Variants in FLNB observed in about 807,000 individuals in gnomAD.
The protein encoded by FLNB is filamin B.
A neutral mutation model predicts 250.6 loss-of-function variants in FLNB; 111 were observed. The observed-to-expected ratio is 0.44, with a 90% CI of 0.38 to 0.52. FLNB has a LOEUF of 0.52. FLNB is among the 20% of genes least tolerant of loss of function. The probability of loss-of-function intolerance (pLI) is 0.00; values close to 1 mark genes in which losing one functional copy is unlikely to be tolerated. For synonymous variants in FLNB, 1,302 were observed against 1,372.1 expected, an observed-to-expected ratio of 0.95 and a Z score of 1.13; for missense variants, 2,869 against 3,447.8, an observed-to-expected ratio of 0.83 and a Z score of 4.20.
intron 15 of FLNB, 24 bp from the exon 16 acceptor site, chr3:58,109,986 T>TA (rs1399098623): frequency 6.2e-7 from 1 of 1,613,940 alleles, no homozygotes; most frequent in Non-Finnish European, 8.5e-7. Flanking sequence ...TGTAAGCTGG[T>TA]GCTAATAAGC....
intron 23 of FLNB, 113 bp downstream of exon 23, chr3:58,125,856 T>G: frequency 9.6e-7 from 1 of 1,043,012 alleles, no homozygotes; most frequent in South Asian, 1.4e-5. Flanking sequence ...TTATAACATG[T>G]ATTTCCTTCT....
intron 1 of FLNB, among the ~76,000 whole-genome samples, chr3:58,073,562 T>C: frequency 6.7e-6 from 1 of 149,740 alleles, no homozygotes; most frequent in Admixed American, 6.7e-5. Flanking sequence ...TGTTGCTGTC[T>C]TGAAGTTCTT....
rs760753245 is a variant in FLNB, at chr3:58,149,897, A to G, written c.6139A>G (p.Ile2047Val). 6.2e-7 allele frequency: 1 copy of G among 1,614,250 alleles called. No homozygotes were observed. Among genetic ancestry groups the G allele is most frequent in the South Asian group, 1.1e-5 (1 of 91,086 alleles). Residue 2047 changes from isoleucine to valine, a missense_variant, in exon 37 of 46, where the codon ATC becomes GTC. Transcript: ENST00000295956. The stretch of plus-strand genomic sequence containing the variant: ...GGTGGAAGGCCCCAGCAAAGTGGAC[A>G]TCCAGACGGAGGACCTGGAAGATGG... ...LAVEGPSKVD[I>V]QTEDLEDGTC... is the part of the protein sequence containing the mutation.
intron 1 of FLNB, among the ~76,000 whole-genome samples, chr3:58,071,732 G>C (rs564508915): frequency 6.6e-6 from 1 of 152,296 alleles, no homozygotes; most frequent in East Asian, 1.9e-4. Context: ...CTCTGCCACC[G>C]TGGTTAATCA....
At chr3:58,151,242 A>G (rs2107280656) in intron 38 of FLNB, 1 of 152,106 alleles carries the variant, frequency 6.6e-6, no homozygotes, top group East Asian at 1.9e-4. Flanking sequence ...AAATACAAAA[A>G]TAAGCAGGGC....
chr3:58,124,494 C>A lies in FLNB; in HGVS notation c.3887C>A (p.Pro1296His). Reference protein sequence around the residue: ...ADGTYQVEYTPFEKGLHVVEV... With the variant: ...ADGTYQVEYTHFEKGLHVVEV... ...GGGACCTACCAGGTGGAATACACAC[C>A]CTTTGAGAAAGGTGAGCCGCCCTGT... The change falls in exon 22 of 46, where the codon CCC becomes CAC. Residue 1296 changes from proline (P) to histidine (H), a missense_variant. Physicochemically the swap from Pro to His is moderately conservative, Grantham distance 77. Transcript: ENST00000295956. 6.2e-7 allele frequency: 1 copy of A among 1,614,230 alleles called. No individual in the cohort carries two copies. The highest frequency in any genetic ancestry group is 8.5e-7 in the Non-Finnish European group (1 of 1,180,036).
chr3:58,122,386 G>A (rs1209972635), intron 20 of FLNB, among the ~76,000 whole-genome samples: 1 of 151,218 alleles, frequency 6.6e-6, no homozygotes, highest in Non-Finnish European at 1.5e-5. Context: ...CCAGCTACTC[G>A]GGAGGCTGAG....
At position 58,147,019 on chromosome 3, in the gene FLNB, T is replaced by C. The variant is rs757919910; in HGVS notation, c.5728+26T>C. ...GTAGGGTTGTCTGGCTTCTGGGGTC[T>C]TCCTCGTGGGAAGTATGGCTGCCTC... On this transcript the variant is annotated intron_variant, in intron 34 of 45. Transcript: ENST00000295956. The C allele has an allele frequency of 8.1e-6, 13 of 1,612,550 alleles. No homozygotes were observed. In the African/African-American group the frequency reaches 9.3e-5, roughly 12 times the overall value.
intron 8 of FLNB, among the ~76,000 whole-genome samples, 195 bp from the exon 9 acceptor site, chr3:58,102,008 C>G (rs1456387535): frequency 6.6e-6 from 1 of 152,202 alleles, no homozygotes; most frequent in Non-Finnish European, 1.5e-5. Context: ...TGTGGTGTCA[C>G]TGGACAAAGT....
At chr3:58,030,879 G>A (rs1051931678) in intron 1 of FLNB, among the ~76,000 whole-genome samples, 18 of 152,168 alleles carry the variant, frequency 1.2e-4, no homozygotes, top group African/African-American at 4.3e-4. Context: ...GTGAGACCCT[G>A]TCTCAAAAAC....
intron 20 of FLNB, 146 bp from the exon 21 acceptor site, chr3:58,122,947 G>A (rs1472158008): frequency 5.1e-6 from 4 of 779,710 alleles, no homozygotes; most frequent in East Asian, 2.4e-5. Flanking sequence ...GCTTTAACTC[G>A]TGTGCACGTG....
Position 58,123,271 on chromosome 3 carries a change from C to T in FLNB, c.3305C>T (p.Thr1102Ile). ...ACCTGCTCCGTCTCTTACCTTCCCA[C>T]AAAACCCGGGGAGTACTTCGTCAAC... is the stretch of plus-strand genomic sequence containing the variant. ...DGTCSVSYLP[T>I]KPGEYFVNIL... Residue 1102 changes from threonine to isoleucine, a missense_variant, in exon 21 of 46, where the codon ACA (threonine) becomes ATA (isoleucine). Around this residue, in one of 5 missense-constraint regions of FLNB, gnomAD observed 1,348 missense variants for 1,466.7 expected, o/e 0.92. Coordinates refer to ENST00000295956, the MANE Select transcript of FLNB (RefSeq NM_001457.4). The T allele has an allele frequency of 6.2e-7, 1 of 1,614,190 alleles. No homozygotes were observed. Among genetic ancestry groups the T allele is most frequent in the South Asian group, 1.1e-5 (1 of 91,076 alleles).
rs113625188 is a variant in FLNB, at chr3:58,130,812, G to C, written c.4294G>C (p.Gly1432Arg). 6.2e-7 allele frequency: 1 copy of C among 1,613,918 alleles called. No individual in the cohort carries two copies. The highest frequency in any genetic ancestry group is 8.5e-7 in the Non-Finnish European group (1 of 1,179,974). Residue 1432 changes from glycine to arginine, a missense_variant, in exon 25 of 46, where the codon GGC becomes CGC. Coordinates refer to ENST00000295956, the MANE Select transcript of FLNB (RefSeq NM_001457.4). Reference protein sequence around the residue: ...SKVKIAGPGLGSGVRARVLQS... With the variant: ...SKVKIAGPGLRSGVRARVLQS... ...GGTCAAGATTGCCGGCCCCGGGCTG[G>C]GCTCAGGCGTCCGAGCCCGTGTCCT... is the stretch of plus-strand genomic sequence containing the variant.
intron 20 of FLNB, 47 bp downstream of exon 20, chr3:58,121,550 A>G (rs866771027): frequency 1.2e-6 from 2 of 1,607,856 alleles, no homozygotes; most frequent in Middle Eastern, 1.7e-4. Flanking sequence ...GCTGTCAAAC[A>G]TGACACCATA....
chr3:58,167,286 T>C (rs1251150340), intron 43 of FLNB, among the ~76,000 whole-genome samples: 1 of 152,142 alleles, frequency 6.6e-6, no homozygotes, highest in Non-Finnish European at 1.5e-5. Flanking sequence ...ACAGATTAGA[T>C]ACCATGATGA....
At chr3:58,033,202 A>T (rs1026400631) in intron 1 of FLNB, among the ~76,000 whole-genome samples, 1 of 152,184 alleles carries the variant, frequency 6.6e-6, no homozygotes, top group Admixed American at 6.5e-5. Context: ...TCAGGAAACC[A>T]TCACCATAAT....
Position 58,099,052 on chromosome 3 carries a change from G to A in FLNB, c.1345+144G>A, listed in dbSNP as rs2097244512. ...GCCAGGGCTACTTCAGCAGTAAGTG[G>A]CTTACTTTGTCCTCAATATATTAAT... On this transcript the variant is annotated intron_variant, in intron 8 of 45. Transcript: ENST00000295956. The A allele has an allele frequency of 5.5e-6, 4 of 733,518 alleles. No individual in the cohort carries two copies. The South Asian group carries it at 5.9e-5, about 11-fold the overall frequency. The allele number at this position is 733,518 out of a possible 1,614,324, so 45.4% of individuals were successfully genotyped here. A position where few individuals can be genotyped will look rare whatever the true frequency, so the allele number is the denominator to read the frequency against.
intron 44 of FLNB, 191 bp downstream of exon 44, chr3:58,168,849 AG>A: frequency 1.6e-6 from 1 of 634,662 alleles, no homozygotes; most frequent in Non-Finnish European, 2.9e-6. Context: ...GGAGCCGTGC[AG>A]AAGTTGAGAA....
chr3:58,107,190 T>C (rs2246601), intron 12 of FLNB, among the ~76,000 whole-genome samples: 106,441 of 152,030 alleles, frequency 0.7, 38,551 homozygotes, highest in East Asian at 1. Flanking sequence ...CCACCACAGC[T>C]GGCTAATCTT....
Sources: allele counts gnomAD v4.1 joint callset (sites outside exome capture counted in the v4.1 genomes callset), GRCh38; gene constraint gnomAD v4.1.1; regional missense constraint gnomAD v4.1.1; transcripts MANE v1.5; gene names NCBI Gene and HGNC (gene_info 2026-07-23, HGNC 2026-07-21).